Variants in RGPD2 observed in about 807,000 individuals in gnomAD.
RGPD2 encodes the protein RANBP2-like and GRIP domain-containing protein 2.
In RGPD2, 2 loss-of-function variants were observed where a neutral mutation model predicts 36.0. The ratio of observed to expected loss-of-function variants is 0.06; its 90% CI spans 0.02 to 0.17. The LOEUF (loss-of-function observed/expected upper bound fraction) is 0.17. Ranked by LOEUF, RGPD2 falls within the 10% of genes least tolerant of loss-of-function variation. RGPD2 has a pLI of 1.00. For missense variants in RGPD2, 40 were observed against 464.3 expected (o/e 0.09, Z 8.40); for synonymous variants, 19 against 163.8 (o/e 0.12, Z 6.75).
At chr2:87,852,914 G>T in the RGPD2 span, among the ~76,000 whole-genome samples, 1 of 151,990 alleles carries the variant, frequency 6.6e-6, no homozygotes, top group Non-Finnish European at 1.5e-5. Context: ...TACATTTATT[G>T]TCTGATTCCC....
At chr2:87,864,340 T>C in the RGPD2 span, among the ~76,000 whole-genome samples, 1 of 152,288 alleles carries the variant, frequency 6.6e-6, no homozygotes, top group Non-Finnish European at 1.5e-5. Context: ...TCTTAGGCCT[T>C]TGCATTTGGA....
chr2:87,923,070 T>C, the RGPD2 span, among the ~76,000 whole-genome samples: 1 of 151,828 alleles, frequency 6.6e-6, no homozygotes, highest in South Asian at 2.1e-4. Context: ...AGCAAAGAGA[T>C]GTAGAAAATT....
chr2:87,915,765 C>T, the RGPD2 span, among the ~76,000 whole-genome samples: 1 of 150,024 alleles, frequency 6.7e-6, no homozygotes, highest in East Asian at 1.9e-4. Flanking sequence ...CTTGTTACAG[C>T]AATGTACATA....
the RGPD2 span, among the ~76,000 whole-genome samples, chr2:87,976,212 A>G: frequency 2.6e-5 from 4 of 151,710 alleles, no homozygotes; most frequent in Non-Finnish European, 2.9e-5. Context: ...GAACATACCA[A>G]TTTACACACC....
chr2:87,903,328 TAACA>T, the RGPD2 span, among the ~76,000 whole-genome samples: 1 of 150,836 alleles, frequency 6.6e-6, no homozygotes, highest in African/African-American at 2.4e-5. Context: ...AATGGCTTCA[TAACA>T]AACATTATAA....
intron 22 of RGPD2, among the ~76,000 whole-genome samples, chr2:87,762,736 AC>A (rs1206392767): frequency 2.7e-5 from 1 of 37,064 alleles, no homozygotes; most frequent in East Asian, 1.1e-3. Context: ...AACAACAACA[AC>A]AACAACAAAA....
chr2:87,913,751 T>C, the RGPD2 span, among the ~76,000 whole-genome samples: 2 of 151,934 alleles, frequency 1.3e-5, no homozygotes. Flanking sequence ...TTGAAGACAG[T>C]TGAGAAAGCA....
the RGPD2 span, among the ~76,000 whole-genome samples, chr2:87,870,334 C>G: frequency 6.6e-6 from 1 of 152,260 alleles, no homozygotes; most frequent in African/African-American, 2.4e-5. Flanking sequence ...CATTCACAGC[C>G]TTGTCTAACT....
At chr2:87,872,469 A>G in the RGPD2 span, among the ~76,000 whole-genome samples, 1 of 152,134 alleles carries the variant, frequency 6.6e-6, no homozygotes, top group African/African-American at 2.4e-5. Context: ...AAATAGAAAT[A>G]TTTTTGTTGT....
the RGPD2 span, among the ~76,000 whole-genome samples, chr2:87,922,671 T>C: frequency 4.7e-5 from 7 of 149,040 alleles, no homozygotes; most frequent in Non-Finnish European, 1.0e-4. Flanking sequence ...AGACTTTGAT[T>C]GCAATCCTGA....
the RGPD2 span, among the ~76,000 whole-genome samples, chr2:87,834,637 C>A: frequency 2.0e-5 from 3 of 151,642 alleles, no homozygotes; most frequent in African/African-American, 7.3e-5. Flanking sequence ...AAAATACATG[C>A]AAAAATTATA....
At chr2:87,930,583 C>T in the RGPD2 span, among the ~76,000 whole-genome samples, 3 of 151,586 alleles carry the variant, frequency 2.0e-5, no homozygotes, top group Admixed American at 6.6e-5. Context: ...TGGTCTCATA[C>T]AATGAGTTAG....
intron 22 of RGPD2, among the ~76,000 whole-genome samples, chr2:87,760,819 G>A (rs1216235564): frequency 7.7e-5 from 10 of 130,234 alleles, no homozygotes; most frequent in African/African-American, 2.8e-4. Flanking sequence ...GGGTTTCACC[G>A]TGTTAGCCAG....
At chr2:87,988,975 T>A in the RGPD2 span, 3 of 324,260 alleles carry the variant, frequency 9.3e-6, no homozygotes, top group Non-Finnish European at 1.8e-5. Context: ...ACTCCCTAGC[T>A]CTTTAAAGCT....
At chr2:87,876,750 G>C in the RGPD2 span, among the ~76,000 whole-genome samples, 1 of 152,184 alleles carries the variant, frequency 6.6e-6, no homozygotes, top group East Asian at 1.9e-4. Context: ...GTTGAGTCCT[G>C]AATATCTTCG....
the RGPD2 span, among the ~76,000 whole-genome samples, chr2:87,957,762 T>C: frequency 3.0e-4 from 45 of 152,422 alleles, no homozygotes; most frequent in African/African-American, 9.6e-4. Context: ...ATTGTGGTTT[T>C]CTTCCCCTTG....
chr2:87,957,206 T>C, the RGPD2 span, among the ~76,000 whole-genome samples: 2 of 133,890 alleles, frequency 1.5e-5, no homozygotes, highest in Admixed American at 1.5e-4. Flanking sequence ...ATGGAGCCTT[T>C]GAGAGATACT....
chr2:87,957,243 G>GGA, the RGPD2 span, among the ~76,000 whole-genome samples: 1 of 140,446 alleles, frequency 7.1e-6, no homozygotes, highest in South Asian at 2.4e-4. Flanking sequence ...CACTGGGGGG[G>GGA]GGCTCTCATT....
the RGPD2 span, among the ~76,000 whole-genome samples, chr2:87,911,928 A>C: frequency 2.6e-5 from 4 of 151,622 alleles, no homozygotes; most frequent in African/African-American, 9.7e-5. Context: ...CCAAGTTTGC[A>C]AAGACATATG....
Sources: gnomAD v4.1 joint callset for allele counts (sites outside exome capture counted in the v4.1 genomes callset) on GRCh38, gnomAD v4.1.1 for gene constraint, MANE v1.5 for transcripts, NCBI Gene and HGNC (gene_info 2026-07-23, HGNC 2026-07-21) for gene names.